Variants in ARHGAP6 observed in about 807,000 individuals in gnomAD.
ARHGAP6 encodes the protein rho GTPase-activating protein 6.
In ARHGAP6, 16 loss-of-function variants were observed where a neutral mutation model predicts 55.7. The observed-to-expected ratio is 0.29, with a 90% confidence interval of 0.19 to 0.44. ARHGAP6 has a LOEUF of 0.44. ARHGAP6 is among the 20% of genes least tolerant of loss of function. The pLI, the probability that ARHGAP6 is intolerant of heterozygous loss-of-function variation, is 1.00. For missense variants in ARHGAP6, 698 were observed against 808.9 expected, an observed-to-expected ratio of 0.86 and a Z score of 1.66; for synonymous variants, 382 against 360.9, an observed-to-expected ratio of 1.06 and a Z score of -0.66.
intron 1 of ARHGAP6, among the ~76,000 whole-genome samples, chrX:11,310,194 C>T (rs2048283646): frequency 1.3e-5 from 1 of 78,128 alleles, no homozygotes; most frequent in Non-Finnish European, 2.4e-5. Context: ...TCACATCACG[C>T]CCACTAGGAT....
At chrX:11,152,483 G>A (rs2045796962) in intron 10 of ARHGAP6, among the ~76,000 whole-genome samples, 1 of 111,605 alleles carries the variant, frequency 9.0e-6, no homozygotes, top group Non-Finnish European at 1.9e-5. Flanking sequence ...TACCTTCACT[G>A]CTGGCCAGCC....
intron 1 of ARHGAP6, among the ~76,000 whole-genome samples, chrX:11,407,978 G>A (rs942207609): frequency 3.6e-5 from 4 of 111,092 alleles, no homozygotes; most frequent in Admixed American, 9.6e-5. Context: ...TGGGATTTGT[G>A]AGCTAACTAT....
intron 1 of ARHGAP6, among the ~76,000 whole-genome samples, chrX:11,297,530 G>C (rs1312990394): frequency 3.6e-5 from 4 of 112,164 alleles, no homozygotes; most frequent in African/African-American, 1.3e-4. Flanking sequence ...ATTATTTTTT[G>C]TATCGATTAA....
chrX:11,224,326 GAGA>G lies in ARHGAP6; in HGVS notation c.749-27333_749-27331del, dbSNP rs994133941. The G allele has an allele frequency of 6.7e-6, 3 of 449,649 alleles. No individual in the cohort carries two copies. In the African/African-American group the frequency reaches 8.0e-5, roughly 12 times the overall value. 37.1% of individuals were successfully genotyped at this position (449,649 alleles called of 1,213,427 possible). ...AGAAAGATGAAGAAGAGAGAAGAAG[GAGA>G]AGAACTAATTGTTGGTATCAGGCTT... On this transcript the variant is annotated intron_variant, in intron 2 of 12. Transcript: ENST00000337414.
intron 1 of ARHGAP6, among the ~76,000 whole-genome samples, chrX:11,309,435 T>G (rs962333950): frequency 8.2e-5 from 9 of 110,228 alleles, no homozygotes; most frequent in African/African-American, 3.0e-4. Flanking sequence ...CTAGAGGATC[T>G]CGGAGGGAGA....
chrX:11,619,668 G>A (rs1187086397), intron 1 of ARHGAP6, among the ~76,000 whole-genome samples: 9 of 112,004 alleles, frequency 8.0e-5, no homozygotes, highest in Non-Finnish European at 1.3e-4. Context: ...GTGTGACAAA[G>A]AGTAGGGTTC....
chrX:11,285,218 T>G (rs1219143172), intron 1 of ARHGAP6, among the ~76,000 whole-genome samples: 2 of 108,416 alleles, frequency 1.8e-5, no homozygotes, highest in Non-Finnish European at 3.8e-5. Flanking sequence ...ACAGCCGATC[T>G]GTGAGACCCA....
At chrX:11,662,398 G>A (rs1484062623) in intron 1 of ARHGAP6, among the ~76,000 whole-genome samples, 2 of 107,210 alleles carry the variant, frequency 1.9e-5, no homozygotes, top group Non-Finnish European at 3.9e-5. Flanking sequence ...CAAGCATAAA[G>A]GAATTTCCAA....
rs148296942 is a variant in ARHGAP6 at position 11,307,191 on chromosome X, C to T, written c.589-52484G>A. ...CAGGCCTTGGCCCTCCGCTATCTTC[C>T]TTCCCAGACAGCCCACTGAACACAC... On this transcript the variant is annotated intron_variant, in intron 1 of 12. Transcript: ENST00000337414. 1.9e-4 allele frequency among the ~76,000 whole-genome samples: 21 copies of T among 110,920 alleles called. 1 individual carries two copies. The East Asian group carries it at 5.6e-3, about 30-fold the overall frequency.
intron 10 of ARHGAP6, among the ~76,000 whole-genome samples, chrX:11,147,604 A>G (rs2045716926): frequency 8.9e-6 from 1 of 112,806 alleles, no homozygotes; most frequent in African/African-American, 3.2e-5. Context: ...TTTCTATTCT[A>G]TCCCAGTTTC....
chrX:11,486,250 G>A lies in ARHGAP6; in HGVS notation c.588+177991C>T, dbSNP rs1328454023. Among the ~76,000 whole-genome samples the A allele has an allele frequency of 8.9e-5, 10 of 112,013 alleles. No homozygotes were observed. The Admixed American group carries it at 9.5e-4, about 11-fold the overall frequency. The stretch of plus-strand genomic sequence containing the variant: ...CCCAAACAATCATTGGGTTACCATG[G>A]GTGAATCCTAAATCAGATGTTAAGT... On this transcript the variant is annotated intron_variant, in intron 1 of 12. Coordinates refer to ENST00000337414, the MANE Select transcript of ARHGAP6 (RefSeq NM_013427.3).
At chrX:11,281,415 T>C (rs1221907500) in intron 1 of ARHGAP6, among the ~76,000 whole-genome samples, 3 of 109,300 alleles carry the variant, frequency 2.7e-5, no homozygotes, top group Non-Finnish European at 5.7e-5. Flanking sequence ...TACCAAAATA[T>C]ATATATTAAT....
At chrX:11,349,937 C>A (rs1332624489) in intron 1 of ARHGAP6, among the ~76,000 whole-genome samples, 3 of 112,089 alleles carry the variant, frequency 2.7e-5, no homozygotes, top group South Asian at 3.7e-4. Context: ...CTTTGAGCAG[C>A]TAGAGGACTT....
At chrX:11,505,434 C>A (rs1407860266) in intron 1 of ARHGAP6, among the ~76,000 whole-genome samples, 1 of 111,344 alleles carries the variant, frequency 9.0e-6, no homozygotes, top group African/African-American at 3.3e-5. Context: ...AAAAGGAATG[C>A]TTATACACTA....
intron 1 of ARHGAP6, among the ~76,000 whole-genome samples, chrX:11,462,530 T>C (rs1048139536): frequency 5.3e-5 from 6 of 112,316 alleles, no homozygotes; most frequent in African/African-American, 1.6e-4. Flanking sequence ...AATAGAAACA[T>C]AGCAGCGATT....
rs190002487 is a variant in ARHGAP6 at position 11,598,106 on chromosome X, G to A, written c.588+66135C>T. ...AAACTGGAGAGATGTTTAGAAAATG[G>A]AAGACATATCACTTGATAACTGATT... On this transcript the variant is annotated intron_variant, in intron 1 of 12. Transcript: ENST00000337414. 5.2e-3 allele frequency among the ~76,000 whole-genome samples: 579 copies of A among 111,578 alleles called. 2 individuals carry two copies. Among genetic ancestry groups the A allele is most frequent in the Non-Finnish European group, 7.4e-3 (390 of 53,052 alleles).
intron 1 of ARHGAP6, among the ~76,000 whole-genome samples, chrX:11,448,655 T>C (rs931760622): frequency 1.8e-5 from 2 of 111,325 alleles, no homozygotes; most frequent in African/African-American, 6.5e-5. Flanking sequence ...TGTGATATAA[T>C]TGGTCTGGGG....
chrX:11,145,416 C>T (rs746649457), intron 10 of ARHGAP6, among the ~76,000 whole-genome samples: 134 of 111,807 alleles, frequency 1.2e-3, no homozygotes, highest in Non-Finnish European at 2.0e-3. Flanking sequence ...CTGCCACAGC[C>T]GTAACTGAGG....
At chrX:11,419,489 T>A (rs1424521489) in intron 1 of ARHGAP6, among the ~76,000 whole-genome samples, 1 of 112,367 alleles carries the variant, frequency 8.9e-6, no homozygotes, top group East Asian at 2.8e-4. Context: ...TGTGCATAGA[T>A]ACCCACAGAA....
Sources: allele counts gnomAD v4.1 joint callset (sites outside exome capture counted in the v4.1 genomes callset), GRCh38; gene constraint gnomAD v4.1.1; transcripts MANE v1.5; gene names NCBI Gene and HGNC (gene_info 2026-07-23, HGNC 2026-07-21).